Variants in ADGRL3 observed in about 807,000 individuals in gnomAD.
ADGRL3 encodes calcium-independent alpha-latrotoxin receptor 3.
ADGRL3 carries 62 observed loss-of-function variants against 153.5 expected under a neutral mutation model. That is an observed-to-expected ratio of 0.40 (90% CI 0.33 to 0.50). The LOEUF is 0.50. Ranked by LOEUF, ADGRL3 falls within the 20% of genes least tolerant of loss-of-function variation. The pLI, the probability that ADGRL3 is intolerant of heterozygous loss-of-function variation, is 0.47. For missense variants in ADGRL3, 1,641 were observed against 1,859.4 expected (o/e 0.88, Z 2.16); for synonymous variants, 710 against 672.5 (o/e 1.06, Z -0.86).
intron 5 of ADGRL3, among the ~76,000 whole-genome samples, chr4:61,637,238 T>G (rs2093463509): frequency 6.6e-6 from 1 of 152,098 alleles, no homozygotes; most frequent in East Asian, 1.9e-4. Flanking sequence ...ATATGACTTG[T>G]GTCCTTTTAA....
intron 2 of ADGRL3, chr4:61,420,709 A>C (rs979726568): frequency 1.3e-5 from 2 of 148,864 alleles, no homozygotes; most frequent in Admixed American, 1.4e-4. Flanking sequence ...CCCTGCAGGA[A>C]AGTTTAAAGA....
chr4:61,273,870 C>T (rs940640696), intron 1 of ADGRL3, among the ~76,000 whole-genome samples: 4 of 152,044 alleles, frequency 2.6e-5, no homozygotes, highest in Admixed American at 6.6e-5. Context: ...CTTCCCACAA[C>T]GATATCTGTT....
intron 6 of ADGRL3, among the ~76,000 whole-genome samples, chr4:61,695,059 C>A (rs573902051): frequency 2.0e-5 from 3 of 152,284 alleles, no homozygotes; most frequent in East Asian, 1.9e-4. Context: ...ATTTCCCCCA[C>A]TGAAATCTTG....
intron 24 of ADGRL3, among the ~76,000 whole-genome samples, chr4:62,042,070 G>A: frequency 6.6e-6 from 1 of 151,972 alleles, no homozygotes; most frequent in Non-Finnish European, 1.5e-5. Context: ...GGAAAAGAGA[G>A]CATAGAAAAA....
Position 61,201,678 on chromosome 4 carries a change from G to C in ADGRL3, c.-327G>C, listed in dbSNP as rs968845879. 2 of 152,368 alleles carry C rather than the reference G, an allele frequency of 1.3e-5. No homozygotes were observed. The highest frequency in any genetic ancestry group is 2.4e-5 in the African/African-American group (1 of 41,446). 9.4% of individuals were successfully genotyped at this position (152,368 alleles called of 1,614,324 possible). On this transcript the variant is annotated 5_prime_UTR_variant, in exon 1 of 27. Coordinates refer to ENST00000683033, the MANE Select transcript of ADGRL3 (RefSeq NM_001387552.1). ...GGGGCCGGCCGGTCTTTTGCCCCGG[G>C]CTCAATGGCTGGATTGTGGAAACTG...
At chr4:61,929,801 C>T (rs2098809937) in intron 13 of ADGRL3, among the ~76,000 whole-genome samples, 1 of 152,074 alleles carries the variant, frequency 6.6e-6, no homozygotes, top group Non-Finnish European at 1.5e-5. Context: ...CCTCCCCGCC[C>T]CCCAGTTGTG....
At chr4:61,647,285 G>A (rs1453570724) in intron 5 of ADGRL3, among the ~76,000 whole-genome samples, 2 of 152,038 alleles carry the variant, frequency 1.3e-5, no homozygotes, top group Non-Finnish European at 2.9e-5. Flanking sequence ...TTCCTATTCG[G>A]CCATCTTGGC....
chr4:61,740,163 T>C (rs2096565959), intron 8 of ADGRL3, among the ~76,000 whole-genome samples: 1 of 152,206 alleles, frequency 6.6e-6, no homozygotes, highest in African/African-American at 2.4e-5. Context: ...CTATCAAATC[T>C]AGAATTTTCT....
At chr4:61,842,856 A>G (rs2098054379) in intron 9 of ADGRL3, among the ~76,000 whole-genome samples, 1 of 152,190 alleles carries the variant, frequency 6.6e-6, no homozygotes, top group Admixed American at 6.5e-5. Flanking sequence ...TCGTGAATGC[A>G]TATAGTCTAC....
chr4:61,446,421 T>A (rs886905653), intron 2 of ADGRL3, among the ~76,000 whole-genome samples: 1 of 152,206 alleles, frequency 6.6e-6, no homozygotes, highest in Non-Finnish European at 1.5e-5. Context: ...TGAATTGATG[T>A]CTTATTTGAG....
At chr4:61,431,898 A>G (rs1275635382) in intron 2 of ADGRL3, among the ~76,000 whole-genome samples, 2 of 152,190 alleles carry the variant, frequency 1.3e-5, no homozygotes, top group Non-Finnish European at 2.9e-5. Context: ...TTCTTTCTTC[A>G]TAAGTAAAAT....
chr4:61,745,230 T>C (rs530722293), intron 8 of ADGRL3, among the ~76,000 whole-genome samples: 2 of 152,312 alleles, frequency 1.3e-5, no homozygotes, highest in East Asian at 1.9e-4. Flanking sequence ...AATCTACGTC[T>C]GATTGGTGTA....
At chr4:61,229,456 G>T (rs1360050374) in intron 1 of ADGRL3, among the ~76,000 whole-genome samples, 3 of 151,910 alleles carry the variant, frequency 2.0e-5, no homozygotes, top group East Asian at 3.9e-4. Flanking sequence ...GGGCTAGCAA[G>T]GATTTTTTTT....
At chr4:61,620,885 C>T (rs58546935) in intron 5 of ADGRL3, among the ~76,000 whole-genome samples, 3,642 of 151,958 alleles carry the variant, frequency 0.024, 117 homozygotes, top group East Asian at 0.18. Flanking sequence ...GTGATCCACC[C>T]GCCTCTGCCT....
intron 9 of ADGRL3, among the ~76,000 whole-genome samples, chr4:61,830,015 AT>A (rs1254706674): frequency 1.6e-3 from 237 of 149,236 alleles, no homozygotes; most frequent in African/African-American, 5.2e-3. Context: ...AAAAAAAAAA[AT>A]TTTTTTTTTT....
chr4:61,496,717 G>A lies in ADGRL3; in HGVS notation c.-173-404G>A, dbSNP rs565237368. The stretch of plus-strand genomic sequence containing the variant: ...TGCACTTTGGGAGGCCCAGGATGGC[G>A]GATCACGAGGTCAGGAGATCGAGAC... On this transcript the variant is annotated intron_variant, in intron 2 of 26. Coordinates refer to ENST00000683033, the MANE Select transcript of ADGRL3 (RefSeq NM_001387552.1). 3.9e-5 allele frequency among the ~76,000 whole-genome samples: 6 copies of A among 152,146 alleles called. No individual in the cohort carries two copies. In the South Asian group the frequency reaches 1.0e-3, roughly 26 times the overall value.
intron 9 of ADGRL3, among the ~76,000 whole-genome samples, chr4:61,821,764 A>G (rs2097758303): frequency 6.6e-6 from 1 of 152,188 alleles, no homozygotes; most frequent in African/African-American, 2.4e-5. Context: ...TAATCAATGA[A>G]CTAGAGAAAT....
intron 25 of ADGRL3, among the ~76,000 whole-genome samples, chr4:62,047,470 T>A (rs942928732): frequency 6.6e-6 from 1 of 152,000 alleles, no homozygotes; most frequent in African/African-American, 2.4e-5. Flanking sequence ...TTTATTTTTT[T>A]AAACCATCTC....
chr4:61,729,694 A>G (rs1338768043), intron 6 of ADGRL3, among the ~76,000 whole-genome samples: 1 of 151,744 alleles, frequency 6.6e-6, no homozygotes, highest in Non-Finnish European at 1.5e-5. Flanking sequence ...AATATAGCAA[A>G]TTGTCTCTGT....
Sources: allele counts gnomAD v4.1 joint callset (sites outside exome capture counted in the v4.1 genomes callset), GRCh38; gene constraint gnomAD v4.1.1; transcripts MANE v1.5; gene names NCBI Gene and HGNC (gene_info 2026-07-23, HGNC 2026-07-21).